The following PSPH variants were observed in gnomAD, a reference collection of about 807,000 sequenced individuals.
PSPH encodes phosphoserine phosphatase, also known as L-3-phosphoserine phosphatase.
A neutral mutation model predicts 23.4 loss-of-function variants in PSPH; 16 were observed. The ratio of observed to expected loss-of-function variants is 0.68; its 90% CI spans 0.46 to 1.04. The LOEUF is 1.04. Among genes scored for constraint, PSPH ranks in the 50% least tolerant of loss-of-function variants. The pLI, the probability that PSPH is intolerant of heterozygous loss-of-function variation, is 0.00. For synonymous variants in PSPH, 68 were observed against 99.7 expected, an observed-to-expected ratio of 0.68 and a Z score of 1.89; for missense variants, 223 against 273.7, an observed-to-expected ratio of 0.81 and a Z score of 1.31.
chr7:56,021,016 C>T, intron 4 of PSPH, 57 bp downstream of exon 4: 3 of 1,446,138 alleles, frequency 2.1e-6, no homozygotes, highest in South Asian at 1.3e-5. Flanking sequence ...TCATCCAAAA[C>T]AGTCACTCTT....
At chr7:56,044,069 G>T (rs1792914223) in intron 1 of PSPH, among the ~76,000 whole-genome samples, 1 of 152,014 alleles carries the variant, frequency 6.6e-6, no homozygotes, top group African/African-American at 2.4e-5. Context: ...TGATTCTCCT[G>T]CCTCAGCCTC....
At position 56,011,536 on chromosome 7, in the gene PSPH, A is replaced by AAG; in HGVS notation, c.*225_*226insCT. The AAG allele has an allele frequency of 3.3e-6, 1 of 298,594 alleles. No individual in the cohort carries two copies. Among genetic ancestry groups the AAG allele is most frequent in the Non-Finnish European group, 6.4e-6 (1 of 156,336 alleles). The allele number at this position is 298,594 out of a possible 1,614,324, so 18.5% of individuals were successfully genotyped here. A position where few individuals can be genotyped will look rare whatever the true frequency, so the allele number is the denominator to read the frequency against. ...AGAGCAAGATTCTGTCTCAAAAAAA[A>AAG]AAAAAACCTCTCCAGGAAATCAATA... On this transcript the variant is annotated 3_prime_UTR_variant, in exon 8 of 8. Transcript: ENST00000275605.
At chr7:56,042,677 G>A (rs1016202967) in intron 1 of PSPH, among the ~76,000 whole-genome samples, 10 of 149,850 alleles carry the variant, frequency 6.7e-5, no homozygotes, top group African/African-American at 2.4e-4. Flanking sequence ...AAAAAAGGAT[G>A]TAGAAGGAAA....
intron 3 of PSPH, among the ~76,000 whole-genome samples, chr7:56,030,584 G>C (rs2116891603): frequency 6.6e-6 from 1 of 152,268 alleles, no homozygotes; most frequent in South Asian, 2.1e-4. Flanking sequence ...CTGGGTACAT[G>C]AGGATACAAA....
intron 1 of PSPH, among the ~76,000 whole-genome samples, chr7:56,050,314 G>A (rs545369891): frequency 6.6e-4 from 101 of 152,252 alleles, no homozygotes; most frequent in African/African-American, 2.2e-3. Flanking sequence ...AGCCCAGGCT[G>A]AAGTGCAGTG....
chr7:56,026,433 G>A (rs1168624891), intron 3 of PSPH, among the ~76,000 whole-genome samples: 1 of 145,742 alleles, frequency 6.9e-6, no homozygotes, highest in Non-Finnish European at 1.5e-5. Context: ...GCAGTAAGCC[G>A]AGATTGCACC....
intron 1 of PSPH, among the ~76,000 whole-genome samples, chr7:56,035,244 G>C (rs1413519494): frequency 6.6e-6 from 1 of 152,084 alleles, no homozygotes; most frequent in Non-Finnish European, 1.5e-5. Context: ...GGTAGGCTGA[G>C]GCAGGAGAAT....
intron 1 of PSPH, among the ~76,000 whole-genome samples, chr7:56,035,658 T>C (rs1791631402): frequency 6.6e-6 from 1 of 151,744 alleles, no homozygotes; most frequent in Non-Finnish European, 1.5e-5. Flanking sequence ...CTCACTCTGT[T>C]GCCCAGGCTG....
chr7:56,026,475 C>A (rs754439307), intron 3 of PSPH, among the ~76,000 whole-genome samples: 3 of 121,754 alleles, frequency 2.5e-5, no homozygotes, highest in South Asian at 5.4e-4. Flanking sequence ...GGTGACAGAG[C>A]GAGACTCCAT....
At chr7:56,014,893 A>T in intron 7 of PSPH, 130 bp downstream of exon 7, 2 of 950,114 alleles carry the variant, frequency 2.1e-6, no homozygotes, top group Non-Finnish European at 3.0e-6. Flanking sequence ...CAGTAAGCTG[A>T]GATCACGCCA....
At chr7:56,035,795 T>C (rs1207949009) in intron 1 of PSPH, among the ~76,000 whole-genome samples, 1 of 151,978 alleles carries the variant, frequency 6.6e-6, no homozygotes, top group Admixed American at 6.6e-5. Context: ...AATTTTTGTA[T>C]TTTTAGTAGA....
chr7:56,017,225 A>G lies in PSPH; in HGVS notation c.421+9T>C. 6.2e-7 allele frequency: 1 copy of G among 1,613,902 alleles called. No homozygotes were observed. Among genetic ancestry groups the G allele is most frequent in the Non-Finnish European group, 8.5e-7 (1 of 1,179,836 alleles). The stretch of plus-strand genomic sequence containing the variant: ...TAAGAAAGGGAACATGTTACTGTTA[A>G]CATCTTACCGTTAAAGTAGAATTTC... On this transcript the variant is annotated intron_variant, in intron 6 of 7. Transcript: ENST00000275605.
intron 1 of PSPH, among the ~76,000 whole-genome samples, chr7:56,045,348 A>C (rs1026402305): frequency 2.0e-5 from 3 of 152,050 alleles, no homozygotes; most frequent in African/African-American, 7.2e-5. Flanking sequence ...TTGTCTCTGC[A>C]AAAAAATTAG....
chr7:56,013,993 G>A (rs944051988), intron 7 of PSPH, among the ~76,000 whole-genome samples: 1 of 152,096 alleles, frequency 6.6e-6, no homozygotes, highest in Non-Finnish European at 1.5e-5. Context: ...GCTGGGTGTG[G>A]TGGAATGCGT....
chr7:56,022,804 A>G (rs1562797675), intron 3 of PSPH, among the ~76,000 whole-genome samples: 1 of 152,210 alleles, frequency 6.6e-6, no homozygotes, highest in Non-Finnish European at 1.5e-5. Context: ...CACGCCTGTA[A>G]TCCCAGCACT....
At chr7:56,026,089 C>T (rs1245546976) in intron 3 of PSPH, among the ~76,000 whole-genome samples, 3 of 152,136 alleles carry the variant, frequency 2.0e-5, no homozygotes, top group Non-Finnish European at 4.4e-5. Context: ...TATCTTCTAT[C>T]TCTGCACCCA....
chr7:56,034,036 C>G lies in PSPH; in HGVS notation c.-221G>C, dbSNP rs550764567. ...GGGGGCCAGCGCCGGCTCCGACGCT[C>G]GGGCGAGCAGTTCCCAGGGAGGTGA... On this transcript the variant is annotated 5_prime_UTR_variant, in exon 2 of 8. Coordinates refer to ENST00000275605, the MANE Select transcript of PSPH (RefSeq NM_004577.4). 2 of 152,826 alleles carry G rather than the reference C, an allele frequency of 1.3e-5. No individual in the cohort carries two copies. The highest frequency in any genetic ancestry group is 3.8e-4 in the East Asian group (2 of 5,208). The allele number at this position is 152,826 out of a possible 1,614,324, so 9.5% of individuals were successfully genotyped here.
rs1789051704 is a variant in PSPH, at chr7:56,019,636, A to G, written c.239T>C (p.Ile80Thr). 6.2e-7 allele frequency: 1 copy of G among 1,613,798 alleles called. No homozygotes were observed. Among genetic ancestry groups the G allele is most frequent in the Non-Finnish European group, 8.5e-7 (1 of 1,179,898 alleles). ...GGTCAGGTGTGGGGGTTGCTCTGCT[A>G]TGAGTCTCTGCACCTGCTCCCTGGA... ...QPSREQVQRL[I>T]AEQPPHLTPG... The change falls in exon 5 of 8, where the codon ATA becomes ACA. Residue 80 changes from isoleucine to threonine, a missense_variant. Transcript: ENST00000275605.
In PSPH at chr7:56,033,957, TTACCCTGTGTCC is replaced by T. The variant is rs1791379609; in HGVS notation, c.-154_-146+3del. 2 of 152,262 alleles carry T rather than the reference TTACCCTGTGTCC, an allele frequency of 1.3e-5. No homozygotes were observed. 9.4% of individuals were successfully genotyped at this position (152,262 alleles called of 1,614,324 possible). A position where few individuals can be genotyped will look rare whatever the true frequency, so the allele number is the denominator to read the frequency against. On this transcript the variant is annotated splice_donor_variant and splice_donor_region_variant and 5_prime_UTR_variant and intron_variant, in exon 2 of 8. Transcript: ENST00000275605. LOFTEE classifies it low-confidence loss of function (5UTR_SPLICE). Reference sequence around the variant, plus strand: ...GCGCAGGGAAGGCACAAGCCGGGACTTACCCTGTGTCCTGGGCCTCCGGGGCTCCTGCGGCTG... The same window carrying T: ...GCGCAGGGAAGGCACAAGCCGGGACTTGGGCCTCCGGGGCTCCTGCGGCTG...
Sources: gnomAD v4.1 joint callset for allele counts (sites outside exome capture counted in the v4.1 genomes callset) on GRCh38, gnomAD v4.1.1 for gene constraint, MANE v1.5 for transcripts, NCBI Gene and HGNC (gene_info 2026-07-23, HGNC 2026-07-21) for gene names.